Variants in GPR149 observed in about 807,000 individuals in gnomAD.
The protein encoded by GPR149 is G protein-coupled receptor 149.
GPR149 carries 50 observed loss-of-function variants against 50.2 expected under a neutral mutation model. That is an observed-to-expected ratio of 1.00 (90% CI 0.79 to 1.26). GPR149 has a LOEUF of 1.26. GPR149 is among the 50% of genes most tolerant of loss of function. GPR149 has a pLI of 0.00. For synonymous variants in GPR149, 405 were observed against 358.2 expected, an observed-to-expected ratio of 1.13 and a Z score of -1.48; for missense variants, 983 against 895.4, an observed-to-expected ratio of 1.10 and a Z score of -1.25.
In GPR149 at chr3:154,428,881, C is replaced by G. The variant is rs754858826; in HGVS notation, c.735G>C (p.Ala245=). ...GASIPGTPPT[A]GRVVSLSPED... Reference sequence around the variant, plus strand: ...CTGGGGACAGGGAAACCACTCTCCCCGCAGTAGGAGGGGTCCCAGGAATTG... The same window carrying G: ...CTGGGGACAGGGAAACCACTCTCCCGGCAGTAGGAGGGGTCCCAGGAATTG... The change falls in exon 1 of 4, where the codon GCG becomes GCC. Residue 245 remains alanine (A), a synonymous_variant. Transcript: ENST00000389740. The G allele has an allele frequency of 1.9e-6, 3 of 1,613,854 alleles. No homozygotes were observed. In the African/African-American group the frequency reaches 4.0e-5, roughly 22 times the overall value.
intron 3 of GPR149, chr3:154,352,887 C>G: frequency 1.1e-6 from 1 of 893,776 alleles, no homozygotes. Context: ...AAATCCCTGT[C>G]CAGCTCTACC....
intron 3 of GPR149, among the ~76,000 whole-genome samples, chr3:154,414,379 C>T (rs986860696): frequency 7.9e-5 from 12 of 151,760 alleles, no homozygotes; most frequent in Non-Finnish European, 1.5e-4. Context: ...TGTTTATCAC[C>T]ACATTATTCA....
At chr3:154,386,881 A>G (rs1715055667) in intron 3 of GPR149, among the ~76,000 whole-genome samples, 2 of 152,192 alleles carry the variant, frequency 1.3e-5, no homozygotes, top group African/African-American at 4.8e-5. Flanking sequence ...TATTTTAAAA[A>G]TTTTATAATA....
chr3:154,359,420 A>G (rs1488462627), intron 3 of GPR149, among the ~76,000 whole-genome samples: 1 of 152,226 alleles, frequency 6.6e-6, no homozygotes, highest in East Asian at 1.9e-4. Context: ...AATCAGAGAC[A>G]GACAGAAGAA....
At chr3:154,377,022 T>C (rs1714807365) in intron 3 of GPR149, among the ~76,000 whole-genome samples, 2 of 148,772 alleles carry the variant, frequency 1.3e-5, no homozygotes, top group Non-Finnish European at 3.0e-5. Flanking sequence ...TAGCTATTAG[T>C]GTTAGCACTG....
In GPR149 at chr3:154,336,558, T is replaced by G. The variant is rs1466354322; in HGVS notation, c.*1141A>C. On this transcript the variant is annotated 3_prime_UTR_variant, in exon 4 of 4. Coordinates refer to ENST00000389740, the MANE Select transcript of GPR149 (RefSeq NM_001038705.3). ...ATAATTTTTGAAATACATCTTACTA[T>G]TATTCTGCCAAGGTGATTCCTGCAT... 6.6e-6 allele frequency: 1 copy of G among 152,124 alleles called. No homozygotes were observed. Among genetic ancestry groups the G allele is most frequent in the Admixed American group, 6.5e-5 (1 of 15,276 alleles). The allele number at this position is 152,124 out of a possible 1,614,324, so 9.4% of individuals were successfully genotyped here.
intron 3 of GPR149, among the ~76,000 whole-genome samples, chr3:154,402,376 A>G (rs1711567637): frequency 6.6e-6 from 1 of 151,548 alleles, no homozygotes; most frequent in South Asian, 2.1e-4. Context: ...TGATCATACC[A>G]CTGCACTCCA....
chr3:154,423,537 A>C (rs1330947208), intron 2 of GPR149, among the ~76,000 whole-genome samples: 1 of 151,914 alleles, frequency 6.6e-6, no homozygotes. Flanking sequence ...TTAGTGACTT[A>C]TCACTTAAAT....
chr3:154,421,208 G>A lies in GPR149; in HGVS notation c.1454C>T (p.Ser485Phe). 1.9e-6 allele frequency: 3 copies of A among 1,613,502 alleles called. No homozygotes were observed. The highest frequency in any genetic ancestry group is 8.5e-7 in the Non-Finnish European group (1 of 1,179,630). ...NTDITEAKQD[S>F]NNKKDAFSDK... ...AGAAAACGCATCCTTTTTGTTGTTG[G>A]AATCCTGTTTAGCTTCTGTAATATC... The change falls in exon 3 of 4, where the codon TCC becomes TTC. Residue 485 changes from serine to phenylalanine, a missense_variant. Ser to Phe is a radical substitution (Grantham distance 155). Coordinates refer to ENST00000389740, the MANE Select transcript of GPR149 (RefSeq NM_001038705.3).
intron 3 of GPR149, among the ~76,000 whole-genome samples, chr3:154,339,779 CTTTTTTTTTTTT>C (rs71152802): frequency 2.9e-5 from 2 of 68,306 alleles, no homozygotes; most frequent in Non-Finnish European, 5.0e-5. Flanking sequence ...TGCTCTACTT[CTTTTTTTTTTTT>C]TTTTTTTTTT....
chr3:154,428,211 C>T (rs1436752777), intron 1 of GPR149, among the ~76,000 whole-genome samples: 1 of 152,198 alleles, frequency 6.6e-6, no homozygotes, highest in East Asian at 1.9e-4. Context: ...TCCCGCCCTG[C>T]TGGAGATGGG....
intron 3 of GPR149, among the ~76,000 whole-genome samples, chr3:154,378,011 A>G (rs1714831484): frequency 1.3e-5 from 2 of 151,392 alleles, no homozygotes; most frequent in South Asian, 4.2e-4. Context: ...GAAGTTTTTC[A>G]TGTGGTAGGA....
intron 3 of GPR149, among the ~76,000 whole-genome samples, chr3:154,391,314 T>C (rs1470185366): frequency 1.4e-5 from 2 of 140,490 alleles, no homozygotes; most frequent in Admixed American, 1.4e-4. Context: ...GTGTGGGGGG[T>C]TTGTGGGGGG....
Position 154,337,011 on chromosome 3 carries a change from A to G in GPR149, c.*688T>C, listed in dbSNP as rs1447599815. ...TCTAATTCCACCTCTAACACACAAT[A>G]TATTTGTTTTATGGGACAGTCTTGA... On this transcript the variant is annotated 3_prime_UTR_variant, in exon 4 of 4. Transcript: ENST00000389740. The G allele has an allele frequency of 1.3e-5, 2 of 152,146 alleles. No individual in the cohort carries two copies. Among genetic ancestry groups the G allele is most frequent in the South Asian group, 4.1e-4 (2 of 4,834 alleles). The allele number at this position is 152,146 out of a possible 1,614,324, so 9.4% of individuals were successfully genotyped here. A position where few individuals can be genotyped will look rare whatever the true frequency, so the allele number is the denominator to read the frequency against.
intron 3 of GPR149, among the ~76,000 whole-genome samples, chr3:154,376,342 C>G (rs1714792482): frequency 6.6e-6 from 1 of 152,168 alleles, no homozygotes; most frequent in African/African-American, 2.4e-5. Context: ...TTAAGTTTCT[C>G]TGCTATATAT....
intron 3 of GPR149, chr3:154,354,787 GT>G: frequency 1.5e-6 from 1 of 689,280 alleles, no homozygotes; most frequent in Non-Finnish European, 2.1e-6. Context: ...GCCCCAAGGA[GT>G]TTCCCAGGCA....
intron 3 of GPR149, among the ~76,000 whole-genome samples, chr3:154,417,480 T>C (rs1188086686): frequency 6.6e-6 from 1 of 151,998 alleles, no homozygotes; most frequent in East Asian, 1.9e-4. Flanking sequence ...AAAAAGCATA[T>C]TGTAGAAATA....
chr3:154,363,415 G>A (rs962402607), intron 3 of GPR149, among the ~76,000 whole-genome samples: 1 of 152,094 alleles, frequency 6.6e-6, no homozygotes, highest in African/African-American at 2.4e-5. Context: ...TTAGTGTTTG[G>A]TGAGGGGTGC....
intron 3 of GPR149, among the ~76,000 whole-genome samples, chr3:154,415,829 TG>T (rs1294248932): frequency 6.6e-6 from 1 of 151,946 alleles, no homozygotes; most frequent in African/African-American, 2.4e-5. Context: ...AACTAGGCAG[TG>T]TAGCAAATTT....
Sources: gnomAD v4.1 joint callset for allele counts (sites outside exome capture counted in the v4.1 genomes callset) on GRCh38, gnomAD v4.1.1 for gene constraint, MANE v1.5 for transcripts, NCBI Gene and HGNC (gene_info 2026-07-23, HGNC 2026-07-21) for gene names.